Variants in PLAAT3 observed in about 807,000 individuals in gnomAD.
PLAAT3 encodes Ca-independent phospholipase A1/2.
In PLAAT3, 21 loss-of-function variants were observed where a neutral mutation model predicts 16.7. The ratio of observed to expected loss-of-function variants is 1.26; its 90% CI spans 0.89 to 1.81. The LOEUF (loss-of-function observed/expected upper bound fraction) is 1.81, where lower values mean the gene tolerates loss of function less well. Ranked by LOEUF, PLAAT3 falls within the 40% of genes most tolerant of loss-of-function variation. PLAAT3 has a pLI of 0.00. For missense variants in PLAAT3, 219 were observed against 213.7 expected (o/e 1.02, Z -0.16); for synonymous variants, 76 against 81.7 (o/e 0.93, Z 0.38).
In PLAAT3 at chr11:63,590,179, T is replaced by C. The variant is rs754134612; in HGVS notation, c.308A>G (p.Glu103Gly). The C allele has an allele frequency of 1.9e-5, 31 of 1,614,042 alleles. No homozygotes were observed. Among genetic ancestry groups the C allele is most frequent in the African/African-American group, 2.7e-5 (2 of 74,930 alleles). ...IQRAEELVGQ[E>G]VLYKLTSENC... Reference sequence around the variant, plus strand: ...CTCACTGGTCAGCTTGTAGAGCACCTCCTGCCCCACCAGCTCCTCCGCCCG... The same window carrying C: ...CTCACTGGTCAGCTTGTAGAGCACCCCCTGCCCCACCAGCTCCTCCGCCCG... Residue 103 changes from glutamate (E) to glycine (G), a missense_variant, in exon 4 of 5, where the codon GAG becomes GGG. Glu to Gly is a moderately conservative substitution (Grantham distance 98). Transcript: ENST00000415826.
intron 4 of PLAAT3, among the ~76,000 whole-genome samples, chr11:63,586,136 G>A (rs919913156): frequency 2.6e-4 from 40 of 152,162 alleles, no homozygotes; most frequent in Non-Finnish European, 4.6e-4. Context: ...GTGTGTGCAC[G>A]TGTATGTGTG....
At chr11:63,606,536 C>T (rs759688200) in intron 2 of PLAAT3, among the ~76,000 whole-genome samples, 2 of 151,684 alleles carry the variant, frequency 1.3e-5, no homozygotes, top group Admixed American at 6.6e-5. Context: ...AAAAGCAGAG[C>T]GGAGCAGGGT....
intron 2 of PLAAT3, among the ~76,000 whole-genome samples, chr11:63,611,931 G>T (rs1183727354): frequency 2.0e-5 from 3 of 152,192 alleles, no homozygotes; most frequent in Non-Finnish European, 4.4e-5. Flanking sequence ...CTGAGGTCAG[G>T]GGTTCGAGAC....
chr11:63,610,201 C>T (rs930596919), intron 2 of PLAAT3, among the ~76,000 whole-genome samples: 4 of 152,224 alleles, frequency 2.6e-5, no homozygotes, highest in Non-Finnish European at 2.9e-5. Context: ...ACCGCACTCT[C>T]GGCCTGAAAT....
intron 3 of PLAAT3, among the ~76,000 whole-genome samples, chr11:63,595,294 A>G (rs1476738716): frequency 1.9e-4 from 15 of 80,068 alleles, no homozygotes; most frequent in East Asian, 1.1e-3. Context: ...CCGTCTCGGA[A>G]AAAAAAAAAA....
chr11:63,601,422 A>C, intron 2 of PLAAT3, among the ~76,000 whole-genome samples: 1 of 150,104 alleles, frequency 6.7e-6, no homozygotes, highest in African/African-American at 2.4e-5. Context: ...ACATTCAGCC[A>C]ATCTGCCTAT....
At chr11:63,602,366 G>C (rs1938455142) in intron 2 of PLAAT3, among the ~76,000 whole-genome samples, 1 of 151,794 alleles carries the variant, frequency 6.6e-6, no homozygotes, top group African/African-American at 2.4e-5. Context: ...CAAGGACAGG[G>C]CGCTATGAAA....
intron 2 of PLAAT3, among the ~76,000 whole-genome samples, chr11:63,604,699 C>G (rs1370620793): frequency 2.0e-5 from 3 of 151,850 alleles, no homozygotes; most frequent in Non-Finnish European, 4.4e-5. Context: ...AGAAGTGGAG[C>G]TTGCAGTGAG....
Position 63,598,110 on chromosome 11 carries a change from G to A in PLAAT3, c.69C>T (p.His23=). Residue 23 remains histidine, a synonymous_variant, in exon 3 of 5, where the codon CAC becomes CAT. Transcript: ENST00000415826. ...LIEIFRPFYR[H]WAIYVGDGYV... Reference sequence around the variant, plus strand: ...ATCCATCGCCAACATAGATGGCCCAGTGTCTGTAGAAAGGGCGAAAAATCT... The same window carrying A: ...ATCCATCGCCAACATAGATGGCCCAATGTCTGTAGAAAGGGCGAAAAATCT... 6.2e-7 allele frequency: 1 copy of A among 1,614,122 alleles called. No individual in the cohort carries two copies.
chr11:63,601,263 C>G (rs574956585), intron 2 of PLAAT3, among the ~76,000 whole-genome samples: 6 of 151,390 alleles, frequency 4.0e-5, no homozygotes, highest in Admixed American at 6.6e-5. Flanking sequence ...ACCATGTTAG[C>G]CATGATGGTC....
intron 3 of PLAAT3, among the ~76,000 whole-genome samples, chr11:63,596,608 G>A (rs1412359050): frequency 6.6e-6 from 1 of 151,670 alleles, no homozygotes; most frequent in African/African-American, 2.4e-5. Flanking sequence ...GGGTGACAGT[G>A]ACAGATCATC....
chr11:63,606,958 G>A (rs937147714), intron 2 of PLAAT3, among the ~76,000 whole-genome samples: 2 of 152,190 alleles, frequency 1.3e-5, no homozygotes, highest in East Asian at 1.9e-4. Flanking sequence ...TGGCTGCTCC[G>A]TTGAGAAGAG....
At chr11:63,579,011 C>G (rs1383918601) in intron 4 of PLAAT3, among the ~76,000 whole-genome samples, 1 of 152,044 alleles carries the variant, frequency 6.6e-6, no homozygotes, top group Non-Finnish European at 1.5e-5. Flanking sequence ...ACAATGAACT[C>G]AAACACATTT....
At chr11:63,615,168 GTGTGTATA>G (rs1938821805), upstream of PLAAT3, among the ~76,000 whole-genome samples, 2 of 35,994 alleles carry the variant, frequency 5.6e-5, no homozygotes, top group East Asian at 2.4e-3. Context: ...GTGTATATAT[GTGTGTATA>G]TGTGTGTATA....
At chr11:63,615,390 GTATA>G (rs796171289), upstream of PLAAT3, among the ~76,000 whole-genome samples, 1 of 39,994 alleles carries the variant, frequency 2.5e-5, no homozygotes, top group Non-Finnish European at 6.4e-5. Flanking sequence ...ATATATATGT[GTATA>G]TATGTGTGTA....
At chr11:63,602,697 C>T (rs141297686) in intron 2 of PLAAT3, among the ~76,000 whole-genome samples, 298 of 152,150 alleles carry the variant, frequency 2.0e-3, no homozygotes, top group South Asian at 0.011. Flanking sequence ...AGTGGAACAT[C>T]GCCAGGCTCA....
intron 2 of PLAAT3, among the ~76,000 whole-genome samples, chr11:63,605,000 G>A (rs1266264203): frequency 1.3e-5 from 2 of 152,118 alleles, no homozygotes; most frequent in Non-Finnish European, 2.9e-5. Flanking sequence ...GATAATTTTT[G>A]CTTCCTTCTA....
At chr11:63,594,641 T>C (rs909468429) in intron 3 of PLAAT3, among the ~76,000 whole-genome samples, 1 of 150,488 alleles carries the variant, frequency 6.6e-6, no homozygotes, top group East Asian at 1.9e-4. Flanking sequence ...AAAAAGAAAG[T>C]GTGGGTATAG....
chr11:63,604,234 C>T (rs1215074077), intron 2 of PLAAT3, among the ~76,000 whole-genome samples: 1 of 152,192 alleles, frequency 6.6e-6, no homozygotes, highest in Non-Finnish European at 1.5e-5. Flanking sequence ...TTATATATTA[C>T]ATACGCAACA....
Sources: allele counts gnomAD v4.1 joint callset (sites outside exome capture counted in the v4.1 genomes callset), GRCh38; gene constraint gnomAD v4.1.1; transcripts MANE v1.5; gene names NCBI Gene and HGNC (gene_info 2026-07-23, HGNC 2026-07-21).